SNX24: variants seen among roughly 807,000 people sequenced by gnomAD.
SNX24 encodes sorting nexin 24.
SNX24 carries 22 observed loss-of-function variants against 28.7 expected under a neutral mutation model. The observed-to-expected ratio is 0.77, with a 90% CI of 0.55 to 1.10. The LOEUF is 1.10. Ranked by LOEUF, SNX24 falls within the 50% of genes least tolerant of loss-of-function variation. The pLI, the probability that SNX24 is intolerant of heterozygous loss-of-function variation, is 0.00. For missense variants in SNX24, 221 were observed against 201.1 expected, an observed-to-expected ratio of 1.10 and a Z score of -0.60; for synonymous variants, 69 against 71.5, an observed-to-expected ratio of 0.96 and a Z score of 0.18.
At chr5:122,996,893 G>T (rs1413382048) in intron 3 of SNX24, among the ~76,000 whole-genome samples, 2 of 152,218 alleles carry the variant, frequency 1.3e-5, no homozygotes, top group Non-Finnish European at 2.9e-5. Flanking sequence ...AAAGTTGAGA[G>T]ATTTAAACCC....
At chr5:122,873,370 C>T (rs562504212) in intron 1 of SNX24, among the ~76,000 whole-genome samples, 63 of 152,222 alleles carry the variant, frequency 4.1e-4, no homozygotes, top group Admixed American at 1.3e-4. Flanking sequence ...TTTCTGTGGC[C>T]TAGATAATTC....
At chr5:122,910,612 T>TC (rs1757839816) in intron 1 of SNX24, among the ~76,000 whole-genome samples, 2 of 86,178 alleles carry the variant, frequency 2.3e-5, no homozygotes, top group Admixed American at 2.9e-4. Flanking sequence ...ATGCTATCCC[T>TC]CCCCCCTCCC....
chr5:122,939,780 A>AT (rs952055723), intron 2 of SNX24, among the ~76,000 whole-genome samples: 1 of 152,166 alleles, frequency 6.6e-6, no homozygotes, highest in Non-Finnish European at 1.5e-5. Flanking sequence ...ACCCCAGATG[A>AT]TTAATGCCTG....
intron 1 of SNX24, chr5:122,891,058 C>T: frequency 6.5e-7 from 1 of 1,527,458 alleles, no homozygotes; most frequent in Non-Finnish European, 8.8e-7. Context: ...GCCTTCCAGA[C>T]AAAAATGGAA....
chr5:122,914,754 A>G (rs1327861978), intron 1 of SNX24, among the ~76,000 whole-genome samples: 1 of 151,848 alleles, frequency 6.6e-6, no homozygotes, highest in Admixed American at 6.6e-5. Context: ...CCCCTTTATC[A>G]TTTTTTATTG....
At chr5:122,878,962 A>AG (rs1756354264) in intron 1 of SNX24, among the ~76,000 whole-genome samples, 2 of 152,052 alleles carry the variant, frequency 1.3e-5, no homozygotes, top group South Asian at 4.1e-4. Context: ...TCAAAAAAAA[A>AG]AAAAATTAAA....
At chr5:122,917,944 G>T (rs1758253014) in intron 1 of SNX24, among the ~76,000 whole-genome samples, 1 of 152,128 alleles carries the variant, frequency 6.6e-6, no homozygotes, top group East Asian at 1.9e-4. Flanking sequence ...GCCGGGCATG[G>T]TGGTGGGCGC....
At chr5:122,969,553 C>T (rs1252724644) in intron 3 of SNX24, among the ~76,000 whole-genome samples, 3 of 152,144 alleles carry the variant, frequency 2.0e-5, no homozygotes, top group African/African-American at 7.2e-5. Context: ...AGGATGAAAT[C>T]GTAACATCTC....
chr5:122,945,465 A>C (rs1190496366), intron 2 of SNX24, among the ~76,000 whole-genome samples: 2 of 152,152 alleles, frequency 1.3e-5, no homozygotes, highest in Non-Finnish European at 2.9e-5. Context: ...ATCCCCTAAA[A>C]CTGCTGTCCC....
At chr5:122,922,247 G>A (rs1230322418) in intron 1 of SNX24, among the ~76,000 whole-genome samples, 1 of 151,860 alleles carries the variant, frequency 6.6e-6, no homozygotes, top group Non-Finnish European at 1.5e-5. Flanking sequence ...TGTTTTTGTG[G>A]GGTTTTTGTT....
At chr5:123,006,256 T>C (rs1762418016) in intron 6 of SNX24, among the ~76,000 whole-genome samples, 1 of 152,194 alleles carries the variant, frequency 6.6e-6, no homozygotes, top group Non-Finnish European at 1.5e-5. Context: ...GATGATCTTC[T>C]ATTTTACTCC....
At chr5:122,984,277 T>A (rs1474641696) in intron 3 of SNX24, among the ~76,000 whole-genome samples, 1 of 148,330 alleles carries the variant, frequency 6.7e-6, no homozygotes, top group Non-Finnish European at 1.5e-5. Context: ...ATTCTTAGAA[T>A]AGCTACAATA....
intron 1 of SNX24, among the ~76,000 whole-genome samples, chr5:122,920,670 G>A (rs963494647): frequency 6.6e-6 from 1 of 152,166 alleles, no homozygotes; most frequent in Non-Finnish European, 1.5e-5. Flanking sequence ...ATGATGCACA[G>A]CCATAGAGCT....
At chr5:122,916,078 G>A (rs936575293) in intron 1 of SNX24, among the ~76,000 whole-genome samples, 5 of 152,200 alleles carry the variant, frequency 3.3e-5, no homozygotes, top group African/African-American at 1.2e-4. Context: ...ACACATAAAA[G>A]TGATCAATAA....
rs112151762 is a variant in SNX24 at position 122,891,125 on chromosome 5, G to A, written c.60+45432G>A. 1,230 of 1,490,166 alleles carry A rather than the reference G, an allele frequency of 8.3e-4. 10 individuals carry two copies. The African/African-American group carries it at 0.016, about 19-fold the overall frequency. The allele number at this position is 1,490,166 out of a possible 1,614,324, so 92.3% of individuals were successfully genotyped here. A position where few individuals can be genotyped will look rare whatever the true frequency, so the allele number is the denominator to read the frequency against. The stretch of plus-strand genomic sequence containing the variant: ...TTTCAAATGGAAGACTTACATATCA[G>A]GTATTTTTGACTGTAGAAAACTTTA... On this transcript the variant is annotated intron_variant, in intron 1 of 6. Transcript: ENST00000261369.
At chr5:123,000,799 ACT>A (rs960000494) in intron 4 of SNX24, among the ~76,000 whole-genome samples, 3 of 151,948 alleles carry the variant, frequency 2.0e-5, no homozygotes, top group African/African-American at 7.3e-5. Context: ...ATCATCACAA[ACT>A]CTCTGAAAAT....
chr5:123,023,810 AC>A, intron 5 of SNX24: 1 of 1,306,894 alleles, frequency 7.7e-7, no homozygotes, highest in Non-Finnish European at 1.0e-6. Flanking sequence ...ACAACACAAC[AC>A]ACACACACAC....
Position 122,845,682 on chromosome 5 carries a change from C to T in SNX24, c.49C>T (p.Arg17Trp). 2 of 1,414,226 alleles carry T rather than the reference C, an allele frequency of 1.4e-6. No individual in the cohort carries two copies. Among genetic ancestry groups the T allele is most frequent in the Non-Finnish European group, 1.9e-6 (2 of 1,074,102 alleles). 87.6% of individuals were successfully genotyped at this position (1,414,226 alleles called of 1,614,324 possible). Residue 17 changes from arginine to tryptophan, a missense_variant, in exon 1 of 7, where the codon CGG becomes TGG. Physicochemically the swap from Arg to Trp is moderately radical, Grantham distance 101 (BLOSUM62 -3). Coordinates refer to ENST00000261369, the MANE Select transcript of SNX24 (RefSeq NM_014035.4). ...TCGCTATGAAGAGAGCGACCTGGAG[C>T]GGGGATACACGGTAGGCGCGGGCCG... The part of the protein sequence containing the change: ...SFRYEESDLE[R>W]GYTVFKIEVL...
intron 1 of SNX24, among the ~76,000 whole-genome samples, chr5:122,923,831 C>T (rs1758553928): frequency 6.6e-6 from 1 of 152,338 alleles, no homozygotes; most frequent in Admixed American, 6.5e-5. Flanking sequence ...CCCGAGCTTA[C>T]GCTTTACCCT....
Sources: allele counts gnomAD v4.1 joint callset (sites outside exome capture counted in the v4.1 genomes callset), GRCh38; gene constraint gnomAD v4.1.1; transcripts MANE v1.5; gene names NCBI Gene and HGNC (gene_info 2026-07-23, HGNC 2026-07-21).